GPATCH2: variants seen among roughly 807,000 people sequenced by gnomAD.
GPATCH2 encodes the protein G-patch domain containing 2.
A neutral mutation model predicts 58.0 loss-of-function variants in GPATCH2; 51 were observed. The ratio of observed to expected loss-of-function variants is 0.88; its 90% CI spans 0.70 to 1.11. The LOEUF is 1.11. Ranked by LOEUF, GPATCH2 falls within the 50% of genes most tolerant of loss-of-function variation. The probability of loss-of-function intolerance (pLI) is 0.00; values close to 1 mark genes in which losing one functional copy is unlikely to be tolerated. For synonymous variants in GPATCH2, 222 were observed against 218.5 expected (o/e 1.02, Z -0.14); for missense variants, 625 against 652.2 (o/e 0.96, Z 0.45).
intron 7 of GPATCH2, among the ~76,000 whole-genome samples, chr1:217,494,150 T>A (rs1192496228): frequency 6.6e-6 from 1 of 152,208 alleles, no homozygotes; most frequent in Non-Finnish European, 1.5e-5. Flanking sequence ...TATTATAATG[T>A]GTTTTCTTCC....
rs189093042 is a variant in GPATCH2, at chr1:217,509,196, C to A, written c.1166+5626G>T. Reference sequence around the variant, plus strand: ...ATCTACTAAAAGTACAAAAAAGTGGCTGGGGGTGGTGGTGCACGCCTCTAG... The same window carrying A: ...ATCTACTAAAAGTACAAAAAAGTGGATGGGGGTGGTGGTGCACGCCTCTAG... On this transcript the variant is annotated intron_variant, in intron 6 of 9. Coordinates refer to ENST00000366935, the MANE Select transcript of GPATCH2 (RefSeq NM_018040.5). Among the ~76,000 whole-genome samples the A allele has an allele frequency of 1.2e-3, 180 of 152,008 alleles. 1 individual carries two copies. Among genetic ancestry groups the A allele is most frequent in the Non-Finnish European group, 2.0e-3 (137 of 67,980 alleles).
chr1:217,452,484 T>C (rs2102473805), intron 8 of GPATCH2, among the ~76,000 whole-genome samples: 1 of 152,304 alleles, frequency 6.6e-6, no homozygotes, highest in South Asian at 2.1e-4. Context: ...ATACCATTGG[T>C]TTCTATTTAC....
rs910840858 is a variant in GPATCH2 at position 217,514,906 on chromosome 1, A to G, written c.1099-17T>C. On this transcript the variant is annotated splice_polypyrimidine_tract_variant and intron_variant, in intron 5 of 9. Transcript: ENST00000366935. ...AATGGGTACCTACAGGGAGATTTAAAAAGAAAAAATAAATTTCAGATTTGT... is the reference window on the plus strand; with the variant it reads ...AATGGGTACCTACAGGGAGATTTAAGAAGAAAAAATAAATTTCAGATTTGT... 3.9e-6 allele frequency: 5 copies of G among 1,277,590 alleles called. No individual in the cohort carries two copies. The Middle Eastern group carries it at 7.3e-4, about 187-fold the overall frequency. The allele number at this position is 1,277,590 out of a possible 1,614,324, so 79.1% of individuals were successfully genotyped here.
intron 5 of GPATCH2, among the ~76,000 whole-genome samples, chr1:217,606,815 T>C (rs1273755951): frequency 1.3e-5 from 2 of 152,174 alleles, no homozygotes; most frequent in African/African-American, 4.8e-5. Flanking sequence ...GTTCTCTAAG[T>C]CCCAGCTATT....
chr1:217,457,307 G>A (rs1411995632), intron 8 of GPATCH2, among the ~76,000 whole-genome samples: 1 of 152,128 alleles, frequency 6.6e-6, no homozygotes, highest in South Asian at 2.1e-4. Flanking sequence ...GTTTGAGAAG[G>A]CTTTTTATCA....
intron 6 of GPATCH2, among the ~76,000 whole-genome samples, chr1:217,504,550 A>G (rs572183004): frequency 9.6e-4 from 146 of 152,330 alleles, no homozygotes; most frequent in African/African-American, 3.3e-3. Flanking sequence ...TCACCACTCT[A>G]TAAGTGTTAG....
chr1:217,481,150 A>T (rs1375111076), intron 8 of GPATCH2, among the ~76,000 whole-genome samples: 1 of 152,206 alleles, frequency 6.6e-6, no homozygotes, highest in Admixed American at 6.5e-5. Flanking sequence ...TAAAATAACA[A>T]GTCTAACTGG....
intron 5 of GPATCH2, among the ~76,000 whole-genome samples, chr1:217,547,552 A>G (rs986459035): frequency 6.6e-6 from 1 of 152,170 alleles, no homozygotes; most frequent in African/African-American, 2.4e-5. Flanking sequence ...AAGTCATTCT[A>G]TTATAAAGAC....
intron 5 of GPATCH2, among the ~76,000 whole-genome samples, chr1:217,551,220 C>T (rs901249188): frequency 1.3e-5 from 2 of 151,886 alleles, no homozygotes; most frequent in Non-Finnish European, 2.9e-5. Context: ...AAAGTCTTTG[C>T]TCTTTGTAGG....
At chr1:217,556,465 G>A (rs1301140934) in intron 5 of GPATCH2, among the ~76,000 whole-genome samples, 1 of 152,114 alleles carries the variant, frequency 6.6e-6, no homozygotes, top group South Asian at 2.1e-4. Flanking sequence ...GAAACAAACT[G>A]TATGCATTAT....
At chr1:217,460,696 G>C (rs140206545) in intron 8 of GPATCH2, among the ~76,000 whole-genome samples, 21 of 152,326 alleles carry the variant, frequency 1.4e-4, no homozygotes, top group African/African-American at 5.1e-4. Context: ...CTATAAATCT[G>C]TCTATTCACA....
chr1:217,466,038 G>A (rs1445251018), intron 8 of GPATCH2, among the ~76,000 whole-genome samples: 1 of 152,138 alleles, frequency 6.6e-6, no homozygotes, highest in Non-Finnish European at 1.5e-5. Flanking sequence ...AAAAACATGA[G>A]CCATGGATTG....
chr1:217,554,645 A>G (rs967037900), intron 5 of GPATCH2, among the ~76,000 whole-genome samples: 2 of 152,220 alleles, frequency 1.3e-5, no homozygotes, highest in African/African-American at 4.8e-5. Context: ...AATCTTCCAG[A>G]AGTCAAACTA....
chr1:217,611,503 C>G (rs1338603710), intron 3 of GPATCH2, among the ~76,000 whole-genome samples: 1 of 152,060 alleles, frequency 6.6e-6, no homozygotes, highest in East Asian at 1.9e-4. Context: ...CTGGTTAATC[C>G]TTTGGCAAAA....
intron 8 of GPATCH2, among the ~76,000 whole-genome samples, chr1:217,485,386 C>T (rs950667768): frequency 6.6e-6 from 1 of 151,982 alleles, no homozygotes. Flanking sequence ...ATCTGGGCAT[C>T]TCTTAGCCCA....
intron 6 of GPATCH2, among the ~76,000 whole-genome samples, chr1:217,510,246 T>A (rs1662778946): frequency 6.6e-6 from 1 of 152,106 alleles, no homozygotes; most frequent in Non-Finnish European, 1.5e-5. Flanking sequence ...TAATTTTATA[T>A]CAATTATAAT....
intron 5 of GPATCH2, among the ~76,000 whole-genome samples, chr1:217,555,341 A>G (rs888758734): frequency 6.6e-6 from 1 of 152,176 alleles, no homozygotes; most frequent in South Asian, 2.1e-4. Flanking sequence ...CAAAATTCTA[A>G]GTGGGAAGTT....
At chr1:217,543,371 G>A (rs938758187) in intron 5 of GPATCH2, among the ~76,000 whole-genome samples, 1 of 147,862 alleles carries the variant, frequency 6.8e-6, no homozygotes, top group Non-Finnish European at 1.5e-5. Flanking sequence ...CCAGGTTCAC[G>A]CCATTCTCCT....
intron 5 of GPATCH2, among the ~76,000 whole-genome samples, chr1:217,567,874 T>TA (rs1666326838): frequency 6.6e-6 from 1 of 152,196 alleles, no homozygotes; most frequent in Non-Finnish European, 1.5e-5. Flanking sequence ...CCCAGCAATT[T>TA]GGGAGGCCAA....
Sources: allele counts gnomAD v4.1 joint callset (sites outside exome capture counted in the v4.1 genomes callset), GRCh38; gene constraint gnomAD v4.1.1; transcripts MANE v1.5; gene names NCBI Gene and HGNC (gene_info 2026-07-23, HGNC 2026-07-21).